MGAT4A: variants seen among roughly 807,000 people sequenced by gnomAD.
MGAT4A encodes the protein N-acetylglucosaminyltransferase IVa.
In MGAT4A, 33 loss-of-function variants were observed where a neutral mutation model predicts 74.1. That is an observed-to-expected ratio of 0.45 (90% confidence interval 0.34 to 0.60). The LOEUF (loss-of-function observed/expected upper bound fraction) is 0.60. Among genes scored for constraint, MGAT4A ranks in the 20% least tolerant of loss-of-function variants. The pLI is 0.02. For missense variants in MGAT4A, 479 were observed against 628.3 expected (o/e 0.76, Z 2.54); for synonymous variants, 198 against 210.4 (o/e 0.94, Z 0.51).
At chr2:98,632,971 G>A (rs750379403) in intron 14 of MGAT4A, among the ~76,000 whole-genome samples, 1 of 152,140 alleles carries the variant, frequency 6.6e-6, no homozygotes, top group Non-Finnish European at 1.5e-5. Flanking sequence ...TGTTGGCCAG[G>A]CTAGTCTTGA....
chr2:98,673,118 G>A (rs1228255247), intron 4 of MGAT4A, among the ~76,000 whole-genome samples: 1 of 151,996 alleles, frequency 6.6e-6, no homozygotes, highest in East Asian at 1.9e-4. Context: ...GTGGTGCGCC[G>A]ACAGTTTTCT....
Position 98,623,248 on chromosome 2 carries a change from G to A in MGAT4A, c.*2318C>T. 1 of 985,436 alleles carries A rather than the reference G, an allele frequency of 1.0e-6. No homozygotes were observed. Among genetic ancestry groups the A allele is most frequent in the Non-Finnish European group, 1.2e-6 (1 of 829,956 alleles). 61.0% of individuals were successfully genotyped at this position (985,436 alleles called of 1,614,324 possible). A position where few individuals can be genotyped will look rare whatever the true frequency, so the allele number is the denominator to read the frequency against. On this transcript the variant is annotated 3_prime_UTR_variant, in exon 16 of 16. Coordinates refer to ENST00000393487, the MANE Select transcript of MGAT4A (RefSeq NM_012214.3). The stretch of plus-strand genomic sequence containing the variant: ...TGGGAACAACAGGTGGACCAATGCT[G>A]GGAGGGCAAACTGCATGAAAACAGG...
At chr2:98,705,256 T>C (rs1024251465) in intron 2 of MGAT4A, among the ~76,000 whole-genome samples, 1 of 152,204 alleles carries the variant, frequency 6.6e-6, no homozygotes, top group South Asian at 2.1e-4. Context: ...GATTAATTCA[T>C]TGGATCGTGG....
rs184076995 is a variant in MGAT4A at position 98,709,612 on chromosome 2, C to T, written c.94+16627G>A. On this transcript the variant is annotated intron_variant, in intron 2 of 15. Transcript: ENST00000393487. ...AACATGGTAGCCAACCACTGGACATCCAGTTCAGGAGTATGAGATTTCCTG... is the reference window on the plus strand; with the variant it reads ...AACATGGTAGCCAACCACTGGACATTCAGTTCAGGAGTATGAGATTTCCTG... Among the ~76,000 whole-genome samples the T allele has an allele frequency of 5.3e-5, 8 of 152,328 alleles. 1 individual carries two copies. Among genetic ancestry groups the T allele is most frequent in the Admixed American group, 5.2e-4 (8 of 15,300 alleles).
rs1702624243 is a variant in MGAT4A at position 98,718,803 on chromosome 2, T to C, written c.94+7436A>G. ...GGTGCATGCAGTGTGCTGAGAATAT[T>C]AGGGCCCTGACAGCCCTTCCTGGGC... On this transcript the variant is annotated intron_variant, in intron 2 of 15. Transcript: ENST00000393487. Among the ~76,000 whole-genome samples the C allele has an allele frequency of 2.0e-5, 3 of 152,168 alleles. No individual in the cohort carries two copies. The South Asian group carries it at 6.2e-4, about 31-fold the overall frequency.
intron 14 of MGAT4A, among the ~76,000 whole-genome samples, chr2:98,628,586 G>C (rs1358964943): frequency 6.6e-6 from 1 of 152,126 alleles, no homozygotes; most frequent in Non-Finnish European, 1.5e-5. Context: ...TAACTTTTCT[G>C]ACCACTGCTT....
rs1701114626 is a variant in MGAT4A at position 98,624,491 on chromosome 2, ATAC to A, written c.*1072_*1074del. The A allele has an allele frequency of 2.1e-6, 2 of 969,874 alleles. No individual in the cohort carries two copies. The highest frequency in any genetic ancestry group is 2.5e-6 in the Non-Finnish European group (2 of 815,768). The allele number at this position is 969,874 out of a possible 1,614,324, so 60.1% of individuals were successfully genotyped here. ...CTACAATAAAATCATTTTGGAAAATATACTACTAATAATATATTTCACCAAAAA... is the reference window on the plus strand; with the variant it reads ...CTACAATAAAATCATTTTGGAAAATATACTAATAATATATTTCACCAAAAA... On this transcript the variant is annotated 3_prime_UTR_variant, in exon 16 of 16. Transcript: ENST00000393487.
chr2:98,643,628 A>G (rs1283110608), intron 10 of MGAT4A, among the ~76,000 whole-genome samples: 1 of 152,244 alleles, frequency 6.6e-6, no homozygotes, highest in Non-Finnish European at 1.5e-5. Context: ...ATCCCATGCC[A>G]AGAACAGATA....
At chr2:98,666,853 T>C (rs1032361229) in intron 4 of MGAT4A, among the ~76,000 whole-genome samples, 2 of 152,188 alleles carry the variant, frequency 1.3e-5, no homozygotes, top group African/African-American at 4.8e-5. Context: ...AAATTCTCTA[T>C]CCCTACCATA....
At chr2:98,698,182 G>A (rs945192336) in intron 2 of MGAT4A, among the ~76,000 whole-genome samples, 1 of 152,178 alleles carries the variant, frequency 6.6e-6, no homozygotes, top group Non-Finnish European at 1.5e-5. Context: ...GGGAGGCTAA[G>A]AGAGGCAGAT....
chr2:98,711,943 A>C (rs578013728), intron 2 of MGAT4A, among the ~76,000 whole-genome samples: 1 of 152,302 alleles, frequency 6.6e-6, no homozygotes, highest in Non-Finnish European at 1.5e-5. Flanking sequence ...ATAGCAAGTA[A>C]AATTTAGGAT....
At chr2:98,663,240 T>A (rs71429400) in intron 4 of MGAT4A, 61 bp from the exon 5 acceptor site, 99 of 1,527,816 alleles carry the variant, frequency 6.5e-5, no homozygotes, top group Middle Eastern at 3.6e-4. Context: ...GAAAAACACT[T>A]CTATTTCAAA....
intron 2 of MGAT4A, among the ~76,000 whole-genome samples, chr2:98,692,010 A>G (rs1303272582): frequency 6.6e-6 from 1 of 152,268 alleles, no homozygotes; most frequent in Non-Finnish European, 1.5e-5. Flanking sequence ...GTGGTTATAC[A>G]ATGTGTTTGT....
chr2:98,624,944 T>C lies in MGAT4A; in HGVS notation c.*622A>G. On this transcript the variant is annotated 3_prime_UTR_variant, in exon 16 of 16. Transcript: ENST00000393487. ...GTACTTCAATTAAGAAATCCATCTA[T>C]AATCAATCTTAAATGGCAGTGCATT... 1.0e-6 allele frequency: 1 copy of C among 985,224 alleles called. No homozygotes were observed. The highest frequency in any genetic ancestry group is 1.2e-6 in the Non-Finnish European group (1 of 829,372). 61.0% of individuals were successfully genotyped at this position (985,224 alleles called of 1,614,324 possible).
chr2:98,696,536 A>G (rs962438507), intron 2 of MGAT4A, among the ~76,000 whole-genome samples: 3 of 152,252 alleles, frequency 2.0e-5, no homozygotes, highest in Admixed American at 2.0e-4. Context: ...CCAGAATACA[A>G]GCATTGCTTT....
intron 2 of MGAT4A, among the ~76,000 whole-genome samples, chr2:98,682,913 C>T (rs1277989292): frequency 2.0e-5 from 3 of 151,848 alleles, no homozygotes; most frequent in Non-Finnish European, 2.9e-5. Flanking sequence ...GTGAAACCCC[C>T]GTCTCTACTA....
chr2:98,680,834 T>C (rs894396006), intron 2 of MGAT4A, among the ~76,000 whole-genome samples: 6 of 152,246 alleles, frequency 3.9e-5, no homozygotes. Context: ...ACATAAGTTT[T>C]ATGTGAAGAA....
At chr2:98,679,575 T>A (rs1575265553) in intron 2 of MGAT4A, among the ~76,000 whole-genome samples, 1 of 151,982 alleles carries the variant, frequency 6.6e-6, no homozygotes, top group Admixed American at 6.6e-5. Context: ...GAGGCTACAG[T>A]GAGCTATGAT....
Position 98,623,483 on chromosome 2 carries a change from G to C in MGAT4A, c.*2083C>G. On this transcript the variant is annotated 3_prime_UTR_variant, in exon 16 of 16. Coordinates refer to ENST00000393487, the MANE Select transcript of MGAT4A (RefSeq NM_012214.3). ...ACTCAGTTATCTTTGCAGTAATTTAGTATACCAAGCTGGTGCCAAAATTTT... is the reference window on the plus strand; with the variant it reads ...ACTCAGTTATCTTTGCAGTAATTTACTATACCAAGCTGGTGCCAAAATTTT... 1.0e-6 allele frequency: 1 copy of C among 985,358 alleles called. No individual in the cohort carries two copies. The highest frequency in any genetic ancestry group is 1.2e-6 in the Non-Finnish European group (1 of 829,910). The allele number at this position is 985,358 out of a possible 1,614,324, so 61.0% of individuals were successfully genotyped here.
Sources: allele counts gnomAD v4.1 joint callset (sites outside exome capture counted in the v4.1 genomes callset), GRCh38; gene constraint gnomAD v4.1.1; transcripts MANE v1.5; gene names NCBI Gene and HGNC (gene_info 2026-07-23, HGNC 2026-07-21).